The following ZGRF1 variants were observed in gnomAD, a reference collection of about 807,000 sequenced individuals.
The protein encoded by ZGRF1 is 5'-3' DNA helicase ZGRF1.
Under a neutral mutation model 203.5 loss-of-function variants are expected in ZGRF1, and 196 were observed. The observed-to-expected ratio is 0.96, with a 90% CI of 0.86 to 1.08. The LOEUF (loss-of-function observed/expected upper bound fraction) is 1.08, where lower values mean the gene tolerates loss of function less well. Ranked by LOEUF, ZGRF1 falls within the 50% of genes least tolerant of loss-of-function variation. The pLI is 0.00. For missense variants in ZGRF1, 2,326 were observed against 2,416.3 expected (o/e 0.96, Z 0.78); for synonymous variants, 809 against 841.3 (o/e 0.96, Z 0.66).
At position 112,560,862 on chromosome 4, in the gene ZGRF1, GA is replaced by G; in HGVS notation, c.4830del (p.Gln1611ArgfsTer5). On this transcript the variant is annotated frameshift_variant, in exon 19 of 28. Coordinates refer to ENST00000505019, the MANE Select transcript of ZGRF1 (RefSeq NM_018392.5). LOFTEE classifies it high-confidence loss of function. ...GATLKLASELIQVHKLNKDQA... is the reference protein window; with the variant it reads ...GATLKLASELXQVHKLNKDQA... Reference sequence around the variant, plus strand: ...TGATCCTTGTTTAACTTGTGTACCTGAATCAACTCACTAGCTAACTTCAATG... The same window carrying G: ...TGATCCTTGTTTAACTTGTGTACCTGATCAACTCACTAGCTAACTTCAATG... 1 of 1,613,750 alleles carries G rather than the reference GA, an allele frequency of 6.2e-7. No individual in the cohort carries two copies. The highest frequency in any genetic ancestry group is 8.5e-7 in the Non-Finnish European group (1 of 1,179,748).
intron 16 of ZGRF1, among the ~76,000 whole-genome samples, chr4:112,576,925 G>C (rs1578334415): frequency 6.6e-6 from 1 of 151,914 alleles, no homozygotes; most frequent in East Asian, 2.0e-4. Flanking sequence ...GAAATACAGA[G>C]AATGCCACAA....
chr4:112,578,339 C>T (rs1220489320), intron 16 of ZGRF1, among the ~76,000 whole-genome samples: 1 of 121,032 alleles, frequency 8.3e-6, no homozygotes, highest in East Asian at 2.4e-4. Context: ...AAAATTGACA[C>T]CCTAACATCA....
chr4:112,635,265 T>G (rs796337410), intron 1 of ZGRF1, among the ~76,000 whole-genome samples: 34 of 151,866 alleles, frequency 2.2e-4, no homozygotes, highest in African/African-American at 6.3e-4. Flanking sequence ...CTAGATATGC[T>G]GTATACATAG....
chr4:112,581,716 G>GT lies in ZGRF1; in HGVS notation c.4384dup (p.Thr1462AsnfsTer6). 2 of 1,581,698 alleles carry GT rather than the reference G, an allele frequency of 1.3e-6. No homozygotes were observed. Among genetic ancestry groups the GT allele is most frequent in the Non-Finnish European group, 1.7e-6 (2 of 1,168,116 alleles). On this transcript the variant is annotated frameshift_variant, in exon 16 of 28. Coordinates refer to ENST00000505019, the MANE Select transcript of ZGRF1 (RefSeq NM_018392.5). LOFTEE classifies it high-confidence loss of function. ...CCGACTTAGCTTAAGATAAAGTTTG[G>GT]TTTTTGGTTCATTATAAAACTCAGG...
intron 6 of ZGRF1, among the ~76,000 whole-genome samples, chr4:112,614,826 C>CAA (rs111283881): frequency 3.8e-4 from 54 of 141,282 alleles, no homozygotes; most frequent in African/African-American, 1.1e-3. Context: ...GACTCTGTGT[C>CAA]AAAAAAAAAA....
intron 6 of ZGRF1, among the ~76,000 whole-genome samples, chr4:112,613,498 A>G (rs2046764948): frequency 1.3e-5 from 2 of 152,244 alleles, no homozygotes; most frequent in African/African-American, 4.8e-5. Flanking sequence ...AGACAAACAA[A>G]TAACTAAACC....
At chr4:112,606,930 A>G (rs1750856892) in intron 8 of ZGRF1, among the ~76,000 whole-genome samples, 1 of 152,192 alleles carries the variant, frequency 6.6e-6, no homozygotes. Context: ...AGACACAGAA[A>G]ATGAATTCAA....
rs1477290446 is a variant in ZGRF1 at position 112,587,662 on chromosome 4, G to A, written c.3395C>T (p.Pro1132Leu). ...TATATTATTAAGTGAAACATCCCCT[G>A]GATTCACTTCCCTAGATTCTTCAGA... ...FFSEESREVN[P>L]GDVSLNNIST... Residue 1132 changes from proline to leucine, a missense_variant, in exon 12 of 28, where the codon CCA (proline) becomes CTA (leucine). Pro to Leu is a moderately conservative substitution (Grantham distance 98). Coordinates refer to ENST00000505019, the MANE Select transcript of ZGRF1 (RefSeq NM_018392.5). The A allele has an allele frequency of 1.2e-6, 2 of 1,613,550 alleles. No homozygotes were observed. The highest frequency in any genetic ancestry group is 8.5e-7 in the Non-Finnish European group (1 of 1,179,748).
intron 18 of ZGRF1, chr4:112,561,455 T>G (rs1295001640): frequency 1.3e-5 from 2 of 153,416 alleles, no homozygotes; most frequent in African/African-American, 4.8e-5. Context: ...CTTATTTCTA[T>G]TTCCATGAAA....
In ZGRF1 at chr4:112,618,392, G is replaced by A. The variant is rs779003614; in HGVS notation, c.1650C>T (p.Asn550=). 3 of 1,613,710 alleles carry A rather than the reference G, an allele frequency of 1.9e-6. No homozygotes were observed. The highest frequency in any genetic ancestry group is 2.5e-6 in the Non-Finnish European group (3 of 1,179,894). ...SDTEEESQES[N]KISQDSESWV... is the part of the protein sequence containing the mutation. ...AACTCTCTGAATCCTGGGAAATTTT[G>A]TTGCTTTCCTGTGATTCCTCCTCAG... Residue 550 remains asparagine, a synonymous_variant, in exon 6 of 28, where the codon AAC becomes AAT. Transcript: ENST00000505019.
intron 20 of ZGRF1, among the ~76,000 whole-genome samples, chr4:112,556,977 T>C (rs188015803): frequency 1.2e-4 from 19 of 152,334 alleles, no homozygotes; most frequent in Admixed American, 7.8e-4. Context: ...CTTCTTTGCA[T>C]TTTTAATAGT....
In ZGRF1 at chr4:112,580,197, A is replaced by T. The variant is rs1159641043; in HGVS notation, c.4438+1466T>A. 8.1e-5 allele frequency among the ~76,000 whole-genome samples: 10 copies of T among 124,156 alleles called. 1 individual carries two copies. The highest frequency in any genetic ancestry group is 2.8e-4 in the African/African-American group (10 of 35,946). The allele number at this position is 124,156 out of a possible 152,430, so 81.5% of individuals were successfully genotyped here. A position where few individuals can be genotyped will look rare whatever the true frequency, so the allele number is the denominator to read the frequency against. ...TGGGAAAGGATTCCCTATTTAACAAATGTTGCTGGGAAAACTGGCTAGCCA... is the reference window on the plus strand; with the variant it reads ...TGGGAAAGGATTCCCTATTTAACAATTGTTGCTGGGAAAACTGGCTAGCCA... On this transcript the variant is annotated intron_variant, in intron 16 of 27. Transcript: ENST00000505019.
chr4:112,612,459 A>G, intron 7 of ZGRF1, 65 bp downstream of exon 7: 2 of 1,056,586 alleles, frequency 1.9e-6, no homozygotes, highest in African/African-American at 1.6e-5. Flanking sequence ...CTATAATTCT[A>G]TTACAAATTA....
chr4:112,563,056 G>T, intron 17 of ZGRF1, 75 bp downstream of exon 17: 3 of 1,295,742 alleles, frequency 2.3e-6, no homozygotes, highest in South Asian at 1.6e-5. Context: ...CTTTTTGTTG[G>T]CTTTAATCAA....
chr4:112,561,653 C>A (rs1438195575), intron 18 of ZGRF1: 1 of 152,096 alleles, frequency 6.6e-6, no homozygotes, highest in Non-Finnish European at 1.5e-5. Context: ...TAAAAAGGGA[C>A]ATGGTGCTTG....
rs377752621 is a variant in ZGRF1 at position 112,618,246 on chromosome 4, G to C, written c.1796C>G (p.Pro599Arg). The C allele has an allele frequency of 6.4e-5, 103 of 1,613,684 alleles. No homozygotes were observed. In the African/African-American group the frequency reaches 9.5e-4, roughly 15 times the overall value. ...CTCTTTAACAGGAAATGTCACTGTA[G>C]GTTTGTCACTAACAGATGTTAAGAA... ...LPFLTSVSDKPTVTFPVKETL... is the reference protein window; with the variant it reads ...LPFLTSVSDKRTVTFPVKETL... Residue 599 changes from proline to arginine, a missense_variant, in exon 6 of 28, where the codon CCT becomes CGT. Pro to Arg is a moderately radical substitution (Grantham distance 103). Coordinates refer to ENST00000505019, the MANE Select transcript of ZGRF1 (RefSeq NM_018392.5).
intron 16 of ZGRF1, among the ~76,000 whole-genome samples, chr4:112,574,767 C>G (rs1744836272): frequency 6.6e-6 from 1 of 152,118 alleles, no homozygotes; most frequent in Non-Finnish European, 1.5e-5. Flanking sequence ...CATGGTGGCT[C>G]ATGTCTGTAA....
chr4:112,565,291 G>A lies in ZGRF1; in HGVS notation c.4439-2017C>T. The A allele has an allele frequency of 2.0e-6, 3 of 1,530,340 alleles. No homozygotes were observed. The South Asian group carries it at 3.4e-5, about 17-fold the overall frequency. 94.8% of individuals were successfully genotyped at this position (1,530,340 alleles called of 1,614,324 possible). A position where few individuals can be genotyped will look rare whatever the true frequency, so the allele number is the denominator to read the frequency against. ...GCAGGAGGCAAGTGAGGCCTATCTG[G>A]TTGGCCTTTTTGAAGACACCAACCT... On this transcript the variant is annotated intron_variant, in intron 16 of 27. Transcript: ENST00000505019.
At chr4:112,632,747 TC>T (rs2047452375) in intron 2 of ZGRF1, among the ~76,000 whole-genome samples, 1 of 152,100 alleles carries the variant, frequency 6.6e-6, no homozygotes, top group African/African-American at 2.4e-5. Flanking sequence ...TGTTAAAGAG[TC>T]CCGAGACCAA....
Sources: allele counts gnomAD v4.1 joint callset (sites outside exome capture counted in the v4.1 genomes callset), GRCh38; gene constraint gnomAD v4.1.1; transcripts MANE v1.5; gene names NCBI Gene and HGNC (gene_info 2026-07-23, HGNC 2026-07-21).